The following GRIA4 variants were observed in gnomAD, a reference collection of about 807,000 sequenced individuals.
GRIA4 encodes the protein glutamate ionotropic receptor AMPA type subunit 4.
In GRIA4, 34 loss-of-function variants were observed where a neutral mutation model predicts 104.0. The ratio of observed to expected loss-of-function variants is 0.33; its 90% CI spans 0.25 to 0.44. GRIA4 has a LOEUF of 0.44. Among genes scored for constraint, GRIA4 ranks in the 20% least tolerant of loss-of-function variants. GRIA4 has a pLI of 1.00. For synonymous variants in GRIA4, 386 were observed against 381.9 expected (o/e 1.01, Z -0.13); for missense variants, 750 against 1,096.5 (o/e 0.68, Z 4.46).
At chr11:105,796,372 A>G (rs906227663) in intron 4 of GRIA4, among the ~76,000 whole-genome samples, 1 of 152,210 alleles carries the variant, frequency 6.6e-6, no homozygotes, top group African/African-American at 2.4e-5. Context: ...TATTGATTAT[A>G]TAAGTTGGCA....
intron 4 of GRIA4, among the ~76,000 whole-genome samples, chr11:105,759,116 ACTTATAAGTTC>A: frequency 6.6e-6 from 1 of 152,268 alleles, no homozygotes; most frequent in East Asian, 1.9e-4. Flanking sequence ...TATATAAAGT[ACTTATAAGTTC>A]CTGGTATTAG....
intron 6 of GRIA4, among the ~76,000 whole-genome samples, chr11:105,891,127 A>AG (rs1263366686): frequency 6.6e-6 from 1 of 152,062 alleles, no homozygotes; most frequent in Non-Finnish European, 1.5e-5. Flanking sequence ...TCTCTTTCCT[A>AG]GTTCTTCTTT....
intron 14 of GRIA4, among the ~76,000 whole-genome samples, chr11:105,936,399 T>C (rs1173246933): frequency 6.6e-6 from 1 of 152,200 alleles, no homozygotes; most frequent in Non-Finnish European, 1.5e-5. Context: ...CAAAACAATC[T>C]ATCTTTTTTT....
intron 14 of GRIA4, among the ~76,000 whole-genome samples, chr11:105,952,741 A>C (rs1190645353): frequency 1.3e-5 from 2 of 152,164 alleles, no homozygotes; most frequent in Non-Finnish European, 2.9e-5. Flanking sequence ...GTCATCTAAA[A>C]CCCAAACCAA....
intron 14 of GRIA4, among the ~76,000 whole-genome samples, chr11:105,941,225 CAA>C (rs1023794417): frequency 3.9e-5 from 6 of 151,982 alleles, no homozygotes; most frequent in Admixed American, 2.0e-4. Context: ...TCCCTAGCAT[CAA>C]AAAAGTCTTT....
intron 4 of GRIA4, among the ~76,000 whole-genome samples, chr11:105,808,148 T>A (rs1028950044): frequency 6.6e-6 from 1 of 152,000 alleles, no homozygotes; most frequent in African/African-American, 2.4e-5. Flanking sequence ...TGATCTAATA[T>A]TATTGTTCTC....
intron 3 of GRIA4, among the ~76,000 whole-genome samples, chr11:105,615,357 A>C (rs997944790): frequency 1.3e-5 from 2 of 151,884 alleles, no homozygotes; most frequent in African/African-American, 4.8e-5. Context: ...TAAACTTATA[A>C]TTTTTGGTAT....
intron 4 of GRIA4, among the ~76,000 whole-genome samples, chr11:105,845,441 C>A (rs770564317): frequency 3.9e-5 from 6 of 152,108 alleles, no homozygotes; most frequent in Non-Finnish European, 8.8e-5. Flanking sequence ...GGAACCTTGA[C>A]CCCTGCAGTT....
chr11:105,626,060 T>C (rs1950878750), intron 3 of GRIA4, among the ~76,000 whole-genome samples: 1 of 152,150 alleles, frequency 6.6e-6, no homozygotes, highest in South Asian at 2.1e-4. Flanking sequence ...TGCCAGGATA[T>C]GAATCAATAC....
intron 9 of GRIA4, among the ~76,000 whole-genome samples, chr11:105,909,117 C>A (rs942155995): frequency 5.9e-5 from 9 of 151,936 alleles, no homozygotes; most frequent in African/African-American, 2.2e-4. Context: ...TGTAGCAAGC[C>A]GTATTAATAA....
chr11:105,788,181 G>A (rs1591258372), intron 4 of GRIA4, among the ~76,000 whole-genome samples: 1 of 152,188 alleles, frequency 6.6e-6, no homozygotes, highest in Admixed American at 6.5e-5. Context: ...CCCATAAAAT[G>A]TTATGTGATT....
chr11:105,843,760 G>A (rs1361220256), intron 4 of GRIA4, among the ~76,000 whole-genome samples: 3 of 152,174 alleles, frequency 2.0e-5, no homozygotes, highest in African/African-American at 7.2e-5. Flanking sequence ...CTCCTCAGAA[G>A]CATAGATATT....
intron 3 of GRIA4, among the ~76,000 whole-genome samples, chr11:105,729,969 C>T (rs1938483153): frequency 2.0e-5 from 3 of 152,170 alleles, no homozygotes; most frequent in African/African-American, 4.8e-5. Context: ...AAAACCGGCA[C>T]AAGACGAGGA....
At chr11:105,890,320 T>A (rs891506299) in intron 6 of GRIA4, among the ~76,000 whole-genome samples, 2 of 152,176 alleles carry the variant, frequency 1.3e-5, no homozygotes, top group African/African-American at 4.8e-5. Context: ...AGAAACAAAG[T>A]AAGGAATGTC....
At chr11:105,628,516 A>G (rs1950947641) in intron 3 of GRIA4, among the ~76,000 whole-genome samples, 1 of 152,074 alleles carries the variant, frequency 6.6e-6, no homozygotes, top group East Asian at 1.9e-4. Flanking sequence ...TGATGGTTTT[A>G]TAAGGGGATT....
intron 3 of GRIA4, among the ~76,000 whole-genome samples, chr11:105,741,093 G>A (rs960183354): frequency 6.6e-6 from 1 of 152,144 alleles, no homozygotes; most frequent in African/African-American, 2.4e-5. Context: ...CAAAGGGAGT[G>A]AATGGATTTA....
intron 4 of GRIA4, among the ~76,000 whole-genome samples, chr11:105,850,694 G>A (rs1397086400): frequency 6.6e-6 from 1 of 152,152 alleles, no homozygotes; most frequent in Non-Finnish European, 1.5e-5. Context: ...TTGGGCTAGA[G>A]CTACCAGAGA....
At chr11:105,734,331 A>G (rs963529118) in intron 3 of GRIA4, among the ~76,000 whole-genome samples, 5 of 152,080 alleles carry the variant, frequency 3.3e-5, no homozygotes, top group Admixed American at 2.0e-4. Context: ...AACAAAGCCT[A>G]TTAATTCTAC....
rs1943326815 is a variant in GRIA4, at chr11:105,815,160, A to G, written c.488-46864A>G. On this transcript the variant is annotated intron_variant, in intron 4 of 16. Transcript: ENST00000282499. ...TATTTAAGGCTCTGAACCAAACAAT[A>G]CCTAAAACCAGCCTTCCTACCTGAC... Among the ~76,000 whole-genome samples, 3 of 152,182 alleles carry G rather than the reference A, an allele frequency of 2.0e-5. No individual in the cohort carries two copies. The South Asian group carries it at 6.2e-4, about 32-fold the overall frequency.
Sources: gnomAD v4.1 joint callset for allele counts (sites outside exome capture counted in the v4.1 genomes callset) on GRCh38, gnomAD v4.1.1 for gene constraint, MANE v1.5 for transcripts, NCBI Gene and HGNC (gene_info 2026-07-23, HGNC 2026-07-21) for gene names.